INTS5: variants seen among roughly 807,000 people sequenced by gnomAD.
INTS5 encodes integrator complex subunit 5, also known as KIAA1698.
INTS5 carries 29 observed loss-of-function variants against 60.0 expected under a neutral mutation model. That is an observed-to-expected ratio of 0.48 (90% CI 0.36 to 0.66). The LOEUF (loss-of-function observed/expected upper bound fraction) is 0.66. INTS5 is among the 30% of genes least tolerant of loss of function. The pLI, the probability that INTS5 is intolerant of heterozygous loss-of-function variation, is 0.00. For synonymous variants in INTS5, 588 were observed against 558.8 expected, an observed-to-expected ratio of 1.05 and a Z score of -0.74; for missense variants, 1,129 against 1,307.9, an observed-to-expected ratio of 0.86 and a Z score of 2.11.
chr11:62,648,641 T>C lies in INTS5; in HGVS notation c.1439A>G (p.His480Arg), dbSNP rs1351689355. 4.3e-6 allele frequency: 7 copies of C among 1,613,860 alleles called. No individual in the cohort carries two copies. Among genetic ancestry groups the C allele is most frequent in the Middle Eastern group, 1.6e-4 (1 of 6,062 alleles). The change falls in exon 2 of 2, where the codon CAT becomes CGT. Residue 480 changes from histidine (H) to arginine (R), a missense_variant. By Grantham distance (29) the His-to-Arg change is conservative. Coordinates refer to ENST00000330574, the MANE Select transcript of INTS5 (RefSeq NM_030628.2). The surrounding 1 kb of genome is among the most constrained non-coding windows in gnomAD (Gnocchi z 4.4). ...CGTCTCTCCACACAGCTCTCCAACA[T>C]GGTTTTTGAGCGCATCTAAAAAGGG... ...LVPFLDALKN[H>R]VGELCGETLR...
At position 62,648,726 on chromosome 11, in the gene INTS5, G is replaced by A. The variant is rs763241400; in HGVS notation, c.1354C>T (p.His452Tyr). The A allele has an allele frequency of 3.1e-6, 5 of 1,614,180 alleles. No individual in the cohort carries two copies. The South Asian group carries it at 5.5e-5, about 18-fold the overall frequency. Residue 452 changes from histidine (H) to tyrosine (Y), a missense_variant, in exon 2 of 2, where the codon CAC (histidine) becomes TAC (tyrosine). His to Tyr is a moderately conservative substitution (Grantham distance 83). Coordinates refer to ENST00000330574, the MANE Select transcript of INTS5 (RefSeq NM_030628.2). This position sits in a 1 kb window ranked among gnomAD's most constrained non-coding sequence, Gnocchi z 4.4. ...CCTTCCCCAGGAGACCCTCCCCGGT[G>A]ATGAACCAGTTTTTGCAGGTGCAGC... ...LLLHLQKLVH[H>Y]RGGSPGEGVL...
intron 1 of INTS5, among the ~76,000 whole-genome samples, chr11:62,650,841 G>C (rs182164448): frequency 2.0e-4 from 30 of 152,130 alleles, no homozygotes; most frequent in Non-Finnish European, 3.8e-4. Context: ...CTGAGTAGCT[G>C]CAACTTCAAG....
In INTS5 at chr11:62,647,654, G is replaced by A. The variant is rs1223243779; in HGVS notation, c.2426C>T (p.Ala809Val). 2.5e-6 allele frequency: 4 copies of A among 1,613,978 alleles called. No individual in the cohort carries two copies. In the African/African-American group the frequency reaches 4.0e-5, roughly 16 times the overall value. Residue 809 changes from alanine (A) to valine (V), a missense_variant, in exon 2 of 2, where the codon GCC (alanine) becomes GTC (valine). Transcript: ENST00000330574. ...CACCAAGGTCACTGCCACTGCTTTG[G>A]CTGCCTCTGGACTCAAGATGGGTGC... The part of the protein sequence containing the change: ...WGAPILSPEA[A>V]KAVAVTLVES...
At chr11:62,650,108 T>G in intron 1 of INTS5, 109 bp from the exon 2 acceptor site, 1 of 885,120 alleles carries the variant, frequency 1.1e-6, no homozygotes. Context: ...ATAAAAATAC[T>G]TCCCTCATAA....
chr11:62,652,419 G>T (rs1240248881), intron 1 of INTS5, among the ~76,000 whole-genome samples: 1 of 136,602 alleles, frequency 7.3e-6, no homozygotes. Context: ...ATCTCTTAAT[G>T]GGAAAAAAAA....
intron 1 of INTS5, among the ~76,000 whole-genome samples, chr11:62,650,739 T>G (rs148564797): frequency 0.014 from 2,026 of 145,606 alleles, 39 homozygotes; most frequent in African/African-American, 0.049. Context: ...ACAGGGTCTC[T>G]CTCTGTCACC....
intron 1 of INTS5, 72 bp downstream of exon 1, chr11:62,653,098 G>C: frequency 1.0e-6 from 1 of 966,542 alleles, no homozygotes; most frequent in Middle Eastern, 2.3e-4. Flanking sequence ...TAGGATCCGG[G>C]TTTCTACCGA....
In INTS5 at chr11:62,649,435, G is replaced by A. The variant is rs1459424058; in HGVS notation, c.645C>T (p.Thr215=). The change falls in exon 2 of 2, where the codon ACC becomes ACT. Residue 215 remains threonine, a synonymous_variant. Coordinates refer to ENST00000330574, the MANE Select transcript of INTS5 (RefSeq NM_030628.2). This position sits in a 1 kb window ranked among gnomAD's most constrained non-coding sequence, Gnocchi z 6.0. ...PDACVDALLD[T]SVQHSPHFDW... is the part of the protein sequence containing the mutation. ...CAAAGTGTGGAGAATGCTGAACAGA[G>A]GTATCCAGCAAGGCATCCACACACG... 6.2e-7 allele frequency: 1 copy of A among 1,614,042 alleles called. No homozygotes were observed. The highest frequency in any genetic ancestry group is 2.2e-5 in the East Asian group (1 of 44,902).
chr11:62,647,133 GTCCACCCTCACC>G lies in INTS5; in HGVS notation c.2935_2946del (p.Gly979_Gly982del), dbSNP rs1944523785. The G allele has an allele frequency of 3.1e-6, 5 of 1,614,030 alleles. No homozygotes were observed. Among genetic ancestry groups the G allele is most frequent in the African/African-American group, 2.7e-5 (2 of 74,920 alleles). On this transcript the variant is annotated inframe_deletion, in exon 2 of 2. Coordinates refer to ENST00000330574, the MANE Select transcript of INTS5 (RefSeq NM_030628.2). ...ACACTGTGCAGCACAGCCAGATGGG[GTCCACCCTCACC>G]TCCACCCTCCCTGGAGAAGTCCCGA...
chr11:62,648,541 G>C lies in INTS5; in HGVS notation c.1539C>G (p.Ser513Arg). Residue 513 changes from serine to arginine, a missense_variant, in exon 2 of 2, where the codon AGC becomes AGG. Physicochemically the swap from Ser to Arg is moderately radical, Grantham distance 110. This residue lies in a region of INTS5 where 1,070 missense variants were observed against 1,246.1 expected (regional missense o/e 0.86). Transcript: ENST00000330574. The surrounding 1 kb of genome is among the most constrained non-coding windows in gnomAD (Gnocchi z 4.4). ...GATGGCCCAAGGCCTCAGGTCCACA[G>C]CTAGGCCGGGTATAGACAGACAGCA... ...LGLLSVYTRP[S>R]CGPEALGHLL... 1 of 1,614,178 alleles carries C rather than the reference G, an allele frequency of 6.2e-7. No homozygotes were observed. The highest frequency in any genetic ancestry group is 8.5e-7 in the Non-Finnish European group (1 of 1,180,050).
Position 62,648,494 on chromosome 11 carries a change from G to A in INTS5, c.1586C>T (p.Pro529Leu). 6.2e-7 allele frequency: 1 copy of A among 1,614,184 alleles called. No homozygotes were observed. Among genetic ancestry groups the A allele is most frequent in the Non-Finnish European group, 8.5e-7 (1 of 1,180,048 alleles). ...CTGGGTGGCCAAACTCAACTCTTCA[G>A]GGCTTCGGGCTCGGCTCAGCAGATG... is the stretch of plus-strand genomic sequence containing the variant. ...LGHLLSRARS[P>L]EELSLATQLY... The change falls in exon 2 of 2, where the codon CCT (proline) becomes CTT (leucine). Residue 529 changes from proline (P) to leucine (L), a missense_variant. By Grantham distance (98) the Pro-to-Leu change is moderately conservative (BLOSUM62 -3). Coordinates refer to ENST00000330574, the MANE Select transcript of INTS5 (RefSeq NM_030628.2). This position sits in a 1 kb window ranked among gnomAD's most constrained non-coding sequence, Gnocchi z 4.4.
rs762387237 is a variant in INTS5, at chr11:62,648,842, GTGTCCAC to G, written c.1231_1237del (p.Val411GlnfsTer26). On this transcript the variant is annotated frameshift_variant, in exon 2 of 2. Transcript: ENST00000330574. LOFTEE classifies it high-confidence loss of function. The surrounding 1 kb of genome is among the most constrained non-coding windows in gnomAD (Gnocchi z 4.4). The stretch of plus-strand genomic sequence containing the variant: ...GGTAATGACCGAAGCAGGCATAGCT[GTGTCCAC>G]CAGGAACTGCAGCAAGCGGTAGGCA... 6.2e-7 allele frequency: 1 copy of G among 1,614,048 alleles called. No homozygotes were observed. Among genetic ancestry groups the G allele is most frequent in the Non-Finnish European group, 8.5e-7 (1 of 1,180,034 alleles).
intron 1 of INTS5, among the ~76,000 whole-genome samples, chr11:62,651,188 G>A (rs1944589780): frequency 2.0e-5 from 3 of 152,074 alleles, no homozygotes; most frequent in South Asian, 4.1e-4. Context: ...TCCACTCACT[G>A]CAAGCTCCAC....
chr11:62,648,259 C>G lies in INTS5; in HGVS notation c.1821G>C (p.Leu607=), dbSNP rs751558218. 2.5e-6 allele frequency: 4 copies of G among 1,613,866 alleles called. No homozygotes were observed. The South Asian group carries it at 4.4e-5, about 18-fold the overall frequency. ...AHFGESASAH[L]SDLAPLLLHP... ...GTAGCAGGAGAGGAGCCAGGTCAGACAGATGGGCTGAGGCAGATTCCCCAA... is the reference window on the plus strand; with the variant it reads ...GTAGCAGGAGAGGAGCCAGGTCAGAGAGATGGGCTGAGGCAGATTCCCCAA... Residue 607 remains leucine, a synonymous_variant, in exon 2 of 2, where the codon CTG becomes CTC. Transcript: ENST00000330574. This position sits in a 1 kb window ranked among gnomAD's most constrained non-coding sequence, Gnocchi z 4.4.
chr11:62,647,734 G>C lies in INTS5; in HGVS notation c.2346C>G (p.Leu782=). The change falls in exon 2 of 2, where the codon CTC becomes CTG. Residue 782 remains leucine, a synonymous_variant. Coordinates refer to ENST00000330574, the MANE Select transcript of INTS5 (RefSeq NM_030628.2). The part of the protein sequence containing the change: ...VIYNTQSLLS[L]LVHCCSAPGG... ...CTGGGGCACTGCAGCAGTGAACCAGGAGGCTGAGGAGGCTCTGGGTGTTAT... is the reference window on the plus strand; with the variant it reads ...CTGGGGCACTGCAGCAGTGAACCAGCAGGCTGAGGAGGCTCTGGGTGTTAT... 1 of 1,614,214 alleles carries C rather than the reference G, an allele frequency of 6.2e-7. No homozygotes were observed. Among genetic ancestry groups the C allele is most frequent in the Non-Finnish European group, 8.5e-7 (1 of 1,180,052 alleles).
In INTS5 at chr11:62,648,653, G is replaced by A. The variant is rs371125173; in HGVS notation, c.1427C>T (p.Ala476Val). Residue 476 changes from alanine to valine, a missense_variant, in exon 2 of 2, where the codon GCG (alanine) becomes GTG (valine). This residue lies in a region of INTS5 where 1,070 missense variants were observed against 1,246.1 expected (regional missense o/e 0.86). Coordinates refer to ENST00000330574, the MANE Select transcript of INTS5 (RefSeq NM_030628.2). This position sits in a 1 kb window ranked among gnomAD's most constrained non-coding sequence, Gnocchi z 4.4. ...CAGCTCTCCAACATGGTTTTTGAGC[G>A]CATCTAAAAAGGGCACCAAGCGGGG... ...PPPRLVPFLD[A>V]LKNHVGELCG... The A allele has an allele frequency of 1.7e-5, 28 of 1,613,898 alleles. No homozygotes were observed. Among genetic ancestry groups the A allele is most frequent in the Admixed American group, 1.5e-4 (9 of 60,006 alleles).
In INTS5 at chr11:62,649,420, A is replaced by C; in HGVS notation, c.660T>G (p.Ser220=). ...GTGCCACAACCCAGTCAAAGTGTGG[A>C]GAATGCTGAACAGAGGTATCCAGCA... ...DALLDTSVQH[S]PHFDWVVAHI... Residue 220 remains serine (S), a synonymous_variant, in exon 2 of 2, where the codon TCT becomes TCG. Coordinates refer to ENST00000330574, the MANE Select transcript of INTS5 (RefSeq NM_030628.2). The surrounding 1 kb of genome is among the most constrained non-coding windows in gnomAD (Gnocchi z 6.0). The C allele has an allele frequency of 1.2e-6, 2 of 1,614,170 alleles. No homozygotes were observed. Among genetic ancestry groups the C allele is most frequent in the African/African-American group, 1.3e-5 (1 of 75,046 alleles).
Position 62,653,254 on chromosome 11 carries a change from G to A in INTS5, c.-5C>T. The A allele has an allele frequency of 7.2e-6, 9 of 1,242,222 alleles. No individual in the cohort carries two copies. The highest frequency in any genetic ancestry group is 9.1e-6 in the Non-Finnish European group (9 of 987,356). The allele number at this position is 1,242,222 out of a possible 1,614,324, so 76.9% of individuals were successfully genotyped here. A position where few individuals can be genotyped will look rare whatever the true frequency, so the allele number is the denominator to read the frequency against. The stretch of plus-strand genomic sequence containing the variant: ...AGGGTCGCACAGCGCGGACATCCCG[G>A]AGCCCGAGCCGAGCCCGAGGCGCGA... On this transcript the variant is annotated 5_prime_UTR_variant, in exon 1 of 2. Coordinates refer to ENST00000330574, the MANE Select transcript of INTS5 (RefSeq NM_030628.2).
rs542356711 is a variant in INTS5 at position 62,649,081 on chromosome 11, G to A, written c.999C>T (p.Ser333=). 20 of 1,610,292 alleles carry A rather than the reference G, an allele frequency of 1.2e-5. No individual in the cohort carries two copies. In the Admixed American group the frequency reaches 1.7e-4, roughly 13 times the overall value. The change falls in exon 2 of 2, where the codon TCC becomes TCT. Residue 333 remains serine, a synonymous_variant. Transcript: ENST00000330574. This position sits in a 1 kb window ranked among gnomAD's most constrained non-coding sequence, Gnocchi z 6.0. ...GGSGGRSGDP[S]LQATVPFLLQ... ...GTAGGAACGGAACCGTGGCCTGAAGGGAGGGGTCCCCACTGCGGCCTCCAG... is the reference window on the plus strand; with the variant it reads ...GTAGGAACGGAACCGTGGCCTGAAGAGAGGGGTCCCCACTGCGGCCTCCAG...
Sources: gnomAD v4.1 joint callset for allele counts (sites outside exome capture counted in the v4.1 genomes callset) on GRCh38, gnomAD v4.1.1 for gene constraint, gnomAD v4.1.1 regional missense constraint, Gnocchi (gnomAD v3.1) non-coding constraint, MANE v1.5 for transcripts, NCBI Gene and HGNC (gene_info 2026-07-23, HGNC 2026-07-21) for gene names.